The following THBS2 variants were observed in gnomAD, a reference collection of about 807,000 sequenced individuals.
THBS2 encodes thrombospondin 2.
A neutral mutation model predicts 135.2 loss-of-function variants in THBS2; 47 were observed. The observed-to-expected ratio is 0.35, with a 90% CI of 0.28 to 0.44. The LOEUF is 0.44. THBS2 is among the 20% of genes least tolerant of loss of function. THBS2 has a pLI of 1.00. For missense variants in THBS2, 1,288 were observed against 1,603.1 expected, an observed-to-expected ratio of 0.80 and a Z score of 3.36; for synonymous variants, 639 against 633.8, an observed-to-expected ratio of 1.01 and a Z score of -0.12.
intron 4 of THBS2, among the ~76,000 whole-genome samples, chr6:169,242,508 G>C (rs1277329721): frequency 6.6e-6 from 1 of 151,580 alleles, no homozygotes; most frequent in Non-Finnish European, 1.5e-5. Context: ...CAAACAGCCA[G>C]TCCCCTTGAG....
chr6:169,220,109 C>A, intron 21 of THBS2, 89 bp downstream of exon 21: 1 of 1,509,862 alleles, frequency 6.6e-7, no homozygotes, highest in South Asian at 1.3e-5. Flanking sequence ...TGATGTACAG[C>A]TTTTGTAAGT....
chr6:169,250,757 G>C lies in THBS2; in HGVS notation c.28C>G (p.Leu10Val). 1 of 1,613,780 alleles carries C rather than the reference G, an allele frequency of 6.2e-7. No individual in the cohort carries two copies. Among genetic ancestry groups the C allele is most frequent in the Non-Finnish European group, 8.5e-7 (1 of 1,179,904 alleles). Residue 10 changes from leucine to valine, a missense_variant, in exon 2 of 22, where the codon CTG becomes GTG. Around this residue, in one of 2 missense-constraint regions of THBS2, gnomAD observed 414 missense variants for 447.0 expected, o/e 0.93. Coordinates refer to ENST00000617924, the MANE Select transcript of THBS2 (RefSeq NM_003247.5). ...CCTTGCGTGCTGGGCCACACCCACA[G>C]AGCCAGCAGGACCAGCCTCCAGACC... MVWRLVLLALWVWPSTQAGH... is the reference protein window; with the variant it reads MVWRLVLLAVWVWPSTQAGH...
At chr6:169,245,141 C>G (rs528866210) in intron 4 of THBS2, among the ~76,000 whole-genome samples, 1 of 152,206 alleles carries the variant, frequency 6.6e-6, no homozygotes, top group Non-Finnish European at 1.5e-5. Context: ...GTGTGGCAGA[C>G]GTGAGCTCCG....
intron 14 of THBS2, among the ~76,000 whole-genome samples, chr6:169,228,502 C>T (rs888930160): frequency 3.9e-5 from 6 of 152,088 alleles, no homozygotes; most frequent in South Asian, 4.2e-4. Context: ...CCAGTCAGGG[C>T]AGGGCACGGA....
At chr6:169,222,510 G>A in intron 18 of THBS2, 42 bp from the exon 19 acceptor site, 2 of 1,587,530 alleles carry the variant, frequency 1.3e-6, no homozygotes, top group Non-Finnish European at 1.7e-6. Context: ...ACACCTTTCA[G>A]GTGGCCGGGA....
At position 169,248,468 on chromosome 6, in the gene THBS2, T is replaced by C. The variant is rs1393878284; in HGVS notation, c.558A>G (p.Glu186=). 4 of 1,612,976 alleles carry C rather than the reference T, an allele frequency of 2.5e-6. No homozygotes were observed. The South Asian group carries it at 4.4e-5, about 18-fold the overall frequency. Residue 186 remains glutamate, a synonymous_variant, in exon 3 of 22, where the codon GAA becomes GAG. Coordinates refer to ENST00000617924, the MANE Select transcript of THBS2 (RefSeq NM_003247.5). ...CTTTGGCCACGTACATCCGGCTCTT[T>C]TCCGCCTGCAGGTGCTCGTAGAAGG... The part of the protein sequence containing the change: ...DEPFYEHLQA[E]KSRMYVAKGS...
intron 1 of THBS2, among the ~76,000 whole-genome samples, chr6:169,251,312 T>C (rs1250101484): frequency 2.0e-5 from 3 of 149,936 alleles, no homozygotes; most frequent in Non-Finnish European, 4.5e-5. Flanking sequence ...AGAATGAATA[T>C]CAACTGTAAA....
chr6:169,253,359 C>G (rs1214695116), intron 1 of THBS2, among the ~76,000 whole-genome samples: 1 of 152,198 alleles, frequency 6.6e-6, no homozygotes, highest in Non-Finnish European at 1.5e-5. Context: ...CAATAACAAA[C>G]TCTCATGTGG....
chr6:169,224,039 C>A (rs994146682), intron 17 of THBS2, among the ~76,000 whole-genome samples: 1 of 151,880 alleles, frequency 6.6e-6, no homozygotes, highest in African/African-American at 2.4e-5. Flanking sequence ...AGGGGGACCA[C>A]GAATTTGCCA....
rs368075705 is a variant in THBS2, at chr6:169,221,509, C to T, written c.3292G>A (p.Asp1098Asn). ...TCCTTCCAGCCAATGTTCCTGGGGT[C>T]GTGCCATAAGGTTCGCACCTGAGAG... is the stretch of plus-strand genomic sequence containing the variant. ...TPGQVRTLWH[D>N]PRNIGWKDYT... The change falls in exon 20 of 22, where the codon GAC (aspartate) becomes AAC (asparagine). Residue 1098 changes from aspartate to asparagine, a missense_variant. Physicochemically the swap from Asp to Asn is conservative, Grantham distance 23 (BLOSUM62 1). Around this residue, in one of 2 missense-constraint regions of THBS2, gnomAD observed 874 missense variants for 1,156.1 expected, o/e 0.76. Transcript: ENST00000617924. 9 of 1,613,950 alleles carry T rather than the reference C, an allele frequency of 5.6e-6. No homozygotes were observed. Among genetic ancestry groups the T allele is most frequent in the East Asian group, 2.2e-5 (1 of 44,872 alleles).
intron 14 of THBS2, among the ~76,000 whole-genome samples, chr6:169,228,839 G>A (rs992698808): frequency 4.0e-5 from 6 of 149,338 alleles, no homozygotes; most frequent in South Asian, 2.1e-4. Context: ...CAAGAGAATC[G>A]CTTGAACCCA....
intron 5 of THBS2, among the ~76,000 whole-genome samples, chr6:169,240,989 C>A (rs549211183): frequency 4.7e-4 from 71 of 150,102 alleles, no homozygotes; most frequent in Non-Finnish European, 6.8e-4. Flanking sequence ...CCCTCGCCAC[C>A]CTCCCTGCCC....
chr6:169,242,846 ACTGCTCCCACCTTCCCACC>A (rs1780388830), intron 4 of THBS2, among the ~76,000 whole-genome samples: 1 of 8,688 alleles, frequency 1.2e-4, no homozygotes, highest in African/African-American at 7.8e-4. Context: ...CCACCTTCCC[ACTGCTCCCACCTTCCCACC>A]TTCCCACCTT....
At chr6:169,237,448 G>T in intron 8 of THBS2, 102 bp from the exon 9 acceptor site, 1 of 1,495,674 alleles carries the variant, frequency 6.7e-7, no homozygotes, top group Non-Finnish European at 9.2e-7. Flanking sequence ...CAGCTGCTGA[G>T]GAGAGGGAAG....
chr6:169,218,355 GA>G (rs1779265055), intron 21 of THBS2, among the ~76,000 whole-genome samples: 1 of 114,834 alleles, frequency 8.7e-6, no homozygotes, highest in South Asian at 3.4e-4. Context: ...TGGATGAGAT[GA>G]ATTGATGGAT....
intron 8 of THBS2, 42 bp downstream of exon 8, chr6:169,237,583 C>G (rs1780144144): frequency 6.2e-7 from 1 of 1,608,082 alleles, no homozygotes; most frequent in Admixed American, 1.7e-5. Flanking sequence ...AAACGCGGCC[C>G]CACCCCCACA....
chr6:169,237,377 G>A, intron 8 of THBS2, 31 bp from the exon 9 acceptor site: 3 of 1,611,798 alleles, frequency 1.9e-6, no homozygotes, highest in Non-Finnish European at 2.5e-6. Flanking sequence ...AGATCAGGCT[G>A]TGCCGCCTAG....
chr6:169,241,993 A>C lies in THBS2; in HGVS notation c.695-35T>G. On this transcript the variant is annotated intron_variant, in intron 4 of 21. Transcript: ENST00000617924. The surrounding 1 kb of genome is among the most constrained non-coding windows in gnomAD (Gnocchi z 5.5). ...AGCGTAGAAGGGCCGTGAGCATCAC[A>C]GAGGACGGGGCCAGCAGCAGGGGCT... 6.3e-7 allele frequency: 1 copy of C among 1,580,622 alleles called. No homozygotes were observed. The highest frequency in any genetic ancestry group is 8.6e-7 in the Non-Finnish European group (1 of 1,160,746).
intron 6 of THBS2, 147 bp from the exon 7 acceptor site, chr6:169,239,842 T>A (rs919232470): frequency 1.4e-5 from 9 of 663,298 alleles, no homozygotes; most frequent in Non-Finnish European, 2.1e-5. Flanking sequence ...AATAAGGGCA[T>A]CTTTTTCTCC....
Sources: allele counts gnomAD v4.1 joint callset (sites outside exome capture counted in the v4.1 genomes callset), GRCh38; gene constraint gnomAD v4.1.1; regional missense constraint gnomAD v4.1.1; non-coding constraint Gnocchi (gnomAD v3.1); transcripts MANE v1.5; gene names NCBI Gene and HGNC (gene_info 2026-07-23, HGNC 2026-07-21).